The following DENND5B variants were observed in gnomAD, a reference collection of about 807,000 sequenced individuals.
DENND5B encodes DENN domain containing 5B, also known as DENN domain-containing protein 5B.
Under a neutral mutation model 140.6 loss-of-function variants are expected in DENND5B, and 34 were observed. That is an observed-to-expected ratio of 0.24 (90% CI 0.18 to 0.32). The LOEUF (loss-of-function observed/expected upper bound fraction) is 0.32, where lower values mean the gene tolerates loss of function less well. Ranked by LOEUF, DENND5B falls within the 10% of genes least tolerant of loss-of-function variation. The pLI is 1.00. For missense variants in DENND5B, 1,142 were observed against 1,560.2 expected, an observed-to-expected ratio of 0.73 and a Z score of 4.52; for synonymous variants, 551 against 562.1, an observed-to-expected ratio of 0.98 and a Z score of 0.28.
intron 12 of DENND5B, among the ~76,000 whole-genome samples, chr12:31,414,015 A>T (rs1942598516): frequency 6.6e-6 from 1 of 152,262 alleles, no homozygotes; most frequent in Non-Finnish European, 1.5e-5. Context: ...ACTGGACAAC[A>T]TATGGAAAAT....
At chr12:31,395,947 A>G (rs1941431339) in intron 17 of DENND5B, among the ~76,000 whole-genome samples, 1 of 150,144 alleles carries the variant, frequency 6.7e-6, no homozygotes, top group Non-Finnish European at 1.5e-5. Flanking sequence ...TGGGCCAAAA[A>G]AAAAAAAAAA....
chr12:31,448,998 A>G (rs973863082), intron 5 of DENND5B, among the ~76,000 whole-genome samples: 12 of 152,172 alleles, frequency 7.9e-5, no homozygotes, highest in Admixed American at 5.9e-4. Flanking sequence ...TTCCTAATTA[A>G]AAGTGTCATT....
rs138257533 is a variant in DENND5B, at chr12:31,500,972, A to G, written c.128-5053T>C. On this transcript the variant is annotated intron_variant, in intron 1 of 20. Coordinates refer to ENST00000389082, the MANE Select transcript of DENND5B (RefSeq NM_144973.4). ...TAGTATATCTGATAAGTACTCATCA[A>G]AACTATCAAGGACAACAAAAACAAT... Among the ~76,000 whole-genome samples, 351 of 152,320 alleles carry G rather than the reference A, an allele frequency of 2.3e-3. 4 individuals are homozygous for G. Among genetic ancestry groups the G allele is most frequent in the African/African-American group, 8.0e-3 (333 of 41,566 alleles).
At chr12:31,571,090 G>C (rs1476875871) in intron 1 of DENND5B, among the ~76,000 whole-genome samples, 1 of 151,320 alleles carries the variant, frequency 6.6e-6, no homozygotes, top group Non-Finnish European at 1.5e-5. Context: ...TACTATGGGA[G>C]ACAGGAAAGG....
intron 1 of DENND5B, among the ~76,000 whole-genome samples, chr12:31,588,055 CTT>C (rs1950459368): frequency 6.6e-6 from 1 of 152,162 alleles, no homozygotes; most frequent in African/African-American, 2.4e-5. Flanking sequence ...CTCCCCTGCC[CTT>C]TCTCTTTGAT....
In DENND5B at chr12:31,570,282, T is replaced by C. The variant is rs543652407; in HGVS notation, c.127+20424A>G. Among the ~76,000 whole-genome samples the C allele has an allele frequency of 3.3e-5, 5 of 151,768 alleles. No homozygotes were observed. In the East Asian group the frequency reaches 9.7e-4, roughly 29 times the overall value. On this transcript the variant is annotated intron_variant, in intron 1 of 20. Coordinates refer to ENST00000389082, the MANE Select transcript of DENND5B (RefSeq NM_144973.4). ...AACTAATCAAAATTCTCTCTCTTTT[T>C]TTTTTTTTTTAAGAGACGGAGTCTC... is the stretch of plus-strand genomic sequence containing the variant.
At chr12:31,507,221 G>A (rs1158947400) in intron 1 of DENND5B, among the ~76,000 whole-genome samples, 5 of 151,878 alleles carry the variant, frequency 3.3e-5, no homozygotes, top group Non-Finnish European at 5.9e-5. Context: ...GCAGTAGTGC[G>A]ATCATAGCTC....
chr12:31,491,730 T>C (rs1275417517), intron 2 of DENND5B, among the ~76,000 whole-genome samples: 1 of 152,226 alleles, frequency 6.6e-6, no homozygotes, highest in African/African-American at 2.4e-5. Flanking sequence ...GAAAAAAAAC[T>C]AATTCAGGAA....
At chr12:31,439,601 C>T (rs2137936647) in intron 7 of DENND5B, among the ~76,000 whole-genome samples, 1 of 151,168 alleles carries the variant, frequency 6.6e-6, no homozygotes, top group East Asian at 2.0e-4. Flanking sequence ...TAAATATTTG[C>T]CAAATGAATG....
At chr12:31,540,117 A>G (rs1362879055) in intron 1 of DENND5B, among the ~76,000 whole-genome samples, 2 of 152,186 alleles carry the variant, frequency 1.3e-5, no homozygotes, top group Non-Finnish European at 2.9e-5. Context: ...AAGTAATCCC[A>G]TTTACAATAA....
intron 4 of DENND5B, among the ~76,000 whole-genome samples, 175 bp downstream of exon 4, chr12:31,460,019 T>C (rs376745959): frequency 1.3e-5 from 2 of 152,318 alleles, no homozygotes; most frequent in African/African-American, 4.8e-5. Context: ...GACTATGTAG[T>C]AGTCATCATC....
intron 1 of DENND5B, among the ~76,000 whole-genome samples, chr12:31,501,612 A>G (rs1947005156): frequency 6.6e-6 from 1 of 152,070 alleles, no homozygotes; most frequent in Non-Finnish European, 1.5e-5. Context: ...TGTCTCCACT[A>G]AAAATACAAA....
intron 1 of DENND5B, among the ~76,000 whole-genome samples, chr12:31,511,907 T>A (rs980459500): frequency 7.3e-6 from 1 of 137,690 alleles, no homozygotes; most frequent in African/African-American, 2.7e-5. Context: ...AATAAAAACA[T>A]CCCCTCCACT....
chr12:31,515,929 G>T (rs1454511021), intron 1 of DENND5B, among the ~76,000 whole-genome samples: 1 of 152,118 alleles, frequency 6.6e-6, no homozygotes, highest in Non-Finnish European at 1.5e-5. Context: ...AACTGTTAGA[G>T]ACAATTATAG....
intron 14 of DENND5B, among the ~76,000 whole-genome samples, chr12:31,406,335 G>A (rs1167667918): frequency 1.3e-5 from 2 of 152,174 alleles, no homozygotes; most frequent in Non-Finnish European, 2.9e-5. Flanking sequence ...ACTCTTAGAT[G>A]AGGAAAACAA....
intron 2 of DENND5B, among the ~76,000 whole-genome samples, chr12:31,480,970 TA>T (rs2138559011): frequency 6.6e-6 from 1 of 152,240 alleles, no homozygotes; most frequent in Non-Finnish European, 1.5e-5. Flanking sequence ...CCAGAGGAGC[TA>T]AAGATGCTAT....
At chr12:31,395,178 G>A (rs1941367082) in intron 17 of DENND5B, among the ~76,000 whole-genome samples, 1 of 152,116 alleles carries the variant, frequency 6.6e-6, no homozygotes, top group Non-Finnish European at 1.5e-5. Flanking sequence ...TAAGATTGCT[G>A]GGCCAAGCGT....
intron 1 of DENND5B, among the ~76,000 whole-genome samples, chr12:31,564,840 C>A (rs12815143): frequency 6.6e-6 from 1 of 152,016 alleles, no homozygotes; most frequent in Non-Finnish European, 1.5e-5. Context: ...CCTCCCACCT[C>A]TGCCTCCCTA....
chr12:31,388,550 T>G (rs965464864), intron 20 of DENND5B, among the ~76,000 whole-genome samples: 8 of 152,124 alleles, frequency 5.3e-5, no homozygotes, highest in African/African-American at 1.9e-4. Flanking sequence ...TCCTAAGACA[T>G]CCTTATTGAG....
Sources: allele counts gnomAD v4.1 joint callset (sites outside exome capture counted in the v4.1 genomes callset), GRCh38; gene constraint gnomAD v4.1.1; transcripts MANE v1.5; gene names NCBI Gene and HGNC (gene_info 2026-07-23, HGNC 2026-07-21).